IQCK: variants seen among roughly 807,000 people sequenced by gnomAD.
IQCK encodes the protein IQ motif containing K.
In IQCK, 29 loss-of-function variants were observed where a neutral mutation model predicts 28.1. The observed-to-expected ratio is 1.03, with a 90% confidence interval of 0.77 to 1.41. The LOEUF is 1.41. Among genes scored for constraint, IQCK ranks in the 40% most tolerant of loss-of-function variants. IQCK has a pLI of 0.00. For missense variants in IQCK, 359 were observed against 314.7 expected (o/e 1.14, Z -1.07); for synonymous variants, 113 against 115.1 (o/e 0.98, Z 0.12).
chr16:19,817,070 G>A (rs1309930189), intron 7 of IQCK, among the ~76,000 whole-genome samples: 1 of 151,824 alleles, frequency 6.6e-6, no homozygotes, highest in South Asian at 2.1e-4. Flanking sequence ...CTTCCATCAG[G>A]GTAATCTATA....
intron 4 of IQCK, among the ~76,000 whole-genome samples, chr16:19,750,241 C>G (rs1440323499): frequency 6.6e-6 from 1 of 151,756 alleles, no homozygotes; most frequent in Admixed American, 6.6e-5. Context: ...ATTCTCCTGC[C>G]TCAGCCTCCC....
intron 2 of IQCK, among the ~76,000 whole-genome samples, chr16:19,731,534 C>T (rs940627679): frequency 3.3e-5 from 5 of 152,210 alleles, no homozygotes; most frequent in Non-Finnish European, 7.3e-5. Context: ...AATCACAGTT[C>T]TCTTCCCTGA....
chr16:19,776,591 G>T (rs934439267), intron 6 of IQCK, among the ~76,000 whole-genome samples: 74 of 152,168 alleles, frequency 4.9e-4, no homozygotes, highest in African/African-American at 1.5e-3. Flanking sequence ...CCTGTAATAC[G>T]CCAGCTACTT....
intron 6 of IQCK, among the ~76,000 whole-genome samples, chr16:19,767,505 T>C (rs1393854101): frequency 2.0e-5 from 3 of 152,094 alleles, no homozygotes; most frequent in African/African-American, 7.2e-5. Context: ...AGCCTCGTCC[T>C]GCCAGGTGCC....
chr16:19,756,615 A>G (rs60457281), intron 4 of IQCK, among the ~76,000 whole-genome samples: 2,168 of 152,144 alleles, frequency 0.014, 48 homozygotes, highest in African/African-American at 0.049. Flanking sequence ...GGCCGGGCGC[A>G]GTGGCTCACG....
chr16:19,767,604 C>T (rs1597539607), intron 6 of IQCK, among the ~76,000 whole-genome samples: 1 of 152,088 alleles, frequency 6.6e-6, no homozygotes, highest in South Asian at 2.1e-4. Context: ...CTGAAGTGCT[C>T]CTCTCGACGT....
intron 6 of IQCK, among the ~76,000 whole-genome samples, chr16:19,780,549 A>G (rs2055465962): frequency 6.6e-6 from 1 of 152,168 alleles, no homozygotes; most frequent in East Asian, 1.9e-4. Context: ...TCCAGCCACA[A>G]CTAACTGTCT....
At chr16:19,850,811 T>C (rs1164147130) in intron 9 of IQCK, among the ~76,000 whole-genome samples, 1 of 152,198 alleles carries the variant, frequency 6.6e-6, no homozygotes, top group African/African-American at 2.4e-5. Context: ...GCCCAGGAGT[T>C]AGAGACTAGG....
intron 6 of IQCK, among the ~76,000 whole-genome samples, chr16:19,769,039 AT>A (rs978016990): frequency 6.6e-6 from 1 of 152,174 alleles, no homozygotes; most frequent in Non-Finnish European, 1.5e-5. Flanking sequence ...GTGCACAAAC[AT>A]GGTGCTGGTT....
At chr16:19,790,465 C>CA (rs1346288971) in intron 7 of IQCK, among the ~76,000 whole-genome samples, 1 of 110,608 alleles carries the variant, frequency 9.0e-6, no homozygotes, top group Non-Finnish European at 1.6e-5. Flanking sequence ...TCAGCAGTGG[C>CA]AAACACTGCC....
intron 2 of IQCK, among the ~76,000 whole-genome samples, chr16:19,731,174 C>T (rs753196228): frequency 2.0e-5 from 3 of 152,210 alleles, no homozygotes; most frequent in African/African-American, 4.8e-5. Flanking sequence ...GACCAAGTTT[C>T]TCTGCATGAC....
At position 19,821,297 on chromosome 16, in the gene IQCK, T is replaced by C. The variant is rs181736453; in HGVS notation, c.691-5729T>C. Among the ~76,000 whole-genome samples the C allele has an allele frequency of 1.2e-4, 18 of 152,292 alleles. No individual in the cohort carries two copies. The East Asian group carries it at 3.5e-3, about 29-fold the overall frequency. ...AGCCCTCATTCATTGCTGGTGAGAA[T>C]ACAAGATGATTCAGCCACTGTGAAA... On this transcript the variant is annotated intron_variant, in intron 7 of 7. Transcript: ENST00000564186.
intron 2 of IQCK, among the ~76,000 whole-genome samples, chr16:19,730,870 A>G (rs1211564648): frequency 6.6e-6 from 1 of 151,968 alleles, no homozygotes; most frequent in Non-Finnish European, 1.5e-5. Flanking sequence ...AGTAGCTGGG[A>G]CTACAGGCAC....
chr16:19,718,475 C>G (rs1335098694), exon 1 of IQCK: 1 of 1,606,142 alleles, frequency 6.2e-7, no homozygotes, highest in Non-Finnish European at 8.5e-7. Context: ...TCTGTGGGAG[C>G]AGATCTGCAA....
chr16:19,745,695 G>A (rs948809390), intron 4 of IQCK, among the ~76,000 whole-genome samples: 1 of 152,198 alleles, frequency 6.6e-6, no homozygotes, highest in Middle Eastern at 3.4e-3. Context: ...TTAAAATAAC[G>A]ATTTATTATT....
chr16:19,755,899 C>G (rs1406207004), intron 4 of IQCK, among the ~76,000 whole-genome samples: 2 of 152,164 alleles, frequency 1.3e-5, no homozygotes, highest in Non-Finnish European at 2.9e-5. Flanking sequence ...AGAGTCAAAA[C>G]AGGCCAAGCC....
intron 7 of IQCK, among the ~76,000 whole-genome samples, chr16:19,792,726 C>A (rs1428432516): frequency 9.0e-6 from 1 of 111,580 alleles, no homozygotes; most frequent in Non-Finnish European, 1.6e-5. Context: ...CGCCTGCCAC[C>A]ACACCCAGCT....
intron 7 of IQCK, among the ~76,000 whole-genome samples, chr16:19,822,493 A>G (rs13333788): frequency 0.13 from 20,443 of 152,124 alleles, 1,843 homozygotes; most frequent in East Asian, 0.25. Flanking sequence ...ATAAGTATTG[A>G]TACATGCTGC....
intron 4 of IQCK, among the ~76,000 whole-genome samples, chr16:19,750,753 C>T (rs1473011406): frequency 6.6e-6 from 1 of 152,182 alleles, no homozygotes; most frequent in Non-Finnish European, 1.5e-5. Context: ...TGAGCCACCG[C>T]ACCCAGCCGA....
Sources: allele counts gnomAD v4.1 joint callset (sites outside exome capture counted in the v4.1 genomes callset), GRCh38; gene constraint gnomAD v4.1.1; transcripts MANE v1.5; gene names NCBI Gene and HGNC (gene_info 2026-07-23, HGNC 2026-07-21).